Variants in NPAS3 observed in about 807,000 individuals in gnomAD.
NPAS3 encodes the protein neuronal PAS domain-containing protein 3.
A neutral mutation model predicts 73.1 loss-of-function variants in NPAS3; 14 were observed. The observed-to-expected ratio is 0.19, with a 90% confidence interval of 0.13 to 0.30. NPAS3 has a LOEUF of 0.30. NPAS3 is among the 10% of genes least tolerant of loss of function. NPAS3 has a pLI of 1.00. For synonymous variants in NPAS3, 620 were observed against 541.5 expected (o/e 1.14, Z -2.01); for missense variants, 1,096 against 1,250.0 (o/e 0.88, Z 1.86).
At chr14:33,567,399 T>C (rs1016139629) in intron 5 of NPAS3, among the ~76,000 whole-genome samples, 1 of 152,238 alleles carries the variant, frequency 6.6e-6, no homozygotes, top group Non-Finnish European at 1.5e-5. Context: ...TAATGTTGGA[T>C]GTCGAACATA....
At chr14:33,551,849 G>A (rs1227404055) in intron 4 of NPAS3, among the ~76,000 whole-genome samples, 2 of 152,092 alleles carry the variant, frequency 1.3e-5, no homozygotes, top group East Asian at 1.9e-4. Flanking sequence ...TTTCCAAATC[G>A]AGCACTCCAC....
At chr14:33,358,799 C>T (rs569245504) in intron 3 of NPAS3, among the ~76,000 whole-genome samples, 5 of 152,310 alleles carry the variant, frequency 3.3e-5, no homozygotes, top group Admixed American at 1.3e-4. Context: ...CTTCTGCCAA[C>T]GTATCTATAA....
intron 2 of NPAS3, among the ~76,000 whole-genome samples, chr14:33,137,950 G>GT (rs1220110308): frequency 1.3e-5 from 2 of 152,196 alleles, no homozygotes; most frequent in Non-Finnish European, 2.9e-5. Context: ...TATCTGGTAG[G>GT]TGTGGAGGGT....
At chr14:33,129,726 G>T (rs930723899) in intron 2 of NPAS3, among the ~76,000 whole-genome samples, 7 of 152,132 alleles carry the variant, frequency 4.6e-5, no homozygotes, top group African/African-American at 1.7e-4. Context: ...ATGTAGAAGT[G>T]AGTATGTATA....
intron 4 of NPAS3, among the ~76,000 whole-genome samples, chr14:33,392,600 T>G (rs1604190): frequency 6.6e-6 from 1 of 151,984 alleles, no homozygotes; most frequent in Non-Finnish European, 1.5e-5. Context: ...TTTTTTGAAA[T>G]TAGTGCATCA....
At chr14:32,979,996 A>G (rs1203105204) in intron 1 of NPAS3, among the ~76,000 whole-genome samples, 4 of 152,250 alleles carry the variant, frequency 2.6e-5, no homozygotes, top group African/African-American at 4.8e-5. Context: ...TGACATTATT[A>G]TGAATTCTAA....
intron 5 of NPAS3, among the ~76,000 whole-genome samples, chr14:33,618,603 G>A (rs2057992014): frequency 6.6e-6 from 1 of 152,202 alleles, no homozygotes; most frequent in Non-Finnish European, 1.5e-5. Flanking sequence ...ACTTCCTGCT[G>A]TGTGGTCCGA....
chr14:33,253,569 T>A (rs923246103), intron 3 of NPAS3, among the ~76,000 whole-genome samples: 31 of 152,086 alleles, frequency 2.0e-4, no homozygotes, highest in African/African-American at 7.0e-4. Flanking sequence ...ATTACTACCT[T>A]ATTTATTTTT....
chr14:33,519,880 AC>A (rs1368471460), intron 4 of NPAS3, among the ~76,000 whole-genome samples: 2 of 151,896 alleles, frequency 1.3e-5, no homozygotes, highest in Non-Finnish European at 2.9e-5. Flanking sequence ...CTGCACAGAT[AC>A]CTCCTTGGGA....
intron 4 of NPAS3, among the ~76,000 whole-genome samples, chr14:33,537,891 C>T (rs539842309): frequency 2.0e-4 from 30 of 152,232 alleles, no homozygotes; most frequent in Admixed American, 5.2e-4. Context: ...GAGCACTGCT[C>T]GCCTTGACGA....
At chr14:33,173,991 C>T (rs1295203859) in intron 2 of NPAS3, among the ~76,000 whole-genome samples, 1 of 152,132 alleles carries the variant, frequency 6.6e-6, no homozygotes, top group Non-Finnish European at 1.5e-5. Flanking sequence ...GACAGACTTT[C>T]CTAATATTTT....
intron 5 of NPAS3, among the ~76,000 whole-genome samples, chr14:33,673,667 C>A (rs1241504167): frequency 1.3e-5 from 2 of 152,188 alleles, no homozygotes; most frequent in Non-Finnish European, 2.9e-5. Context: ...TGTCTTCTTC[C>A]CAGCTCTCCG....
intron 1 of NPAS3, among the ~76,000 whole-genome samples, chr14:32,995,029 G>A (rs189493627): frequency 6.6e-6 from 1 of 152,260 alleles, no homozygotes; most frequent in Non-Finnish European, 1.5e-5. Flanking sequence ...AGAAACAAGT[G>A]GCTCTCGGGA....
intron 4 of NPAS3, among the ~76,000 whole-genome samples, chr14:33,546,038 T>G (rs1485947773): frequency 2.0e-5 from 3 of 152,168 alleles, no homozygotes; most frequent in Non-Finnish European, 4.4e-5. Flanking sequence ...TTCTGGGGGC[T>G]CCTGTTAAGG....
chr14:33,144,752 A>AT (rs1418830982), intron 2 of NPAS3, among the ~76,000 whole-genome samples: 1 of 152,200 alleles, frequency 6.6e-6, no homozygotes, highest in East Asian at 1.9e-4. Context: ...TTAAAAATTC[A>AT]TTTTTTAATT....
intron 6 of NPAS3, among the ~76,000 whole-genome samples, chr14:33,722,161 C>G (rs1274557471): frequency 1.3e-5 from 2 of 152,146 alleles, no homozygotes; most frequent in African/African-American, 4.8e-5. Flanking sequence ...AACATAACAT[C>G]GAAGTGTTCA....
chr14:33,751,043 A>G (rs2061948813), intron 7 of NPAS3, among the ~76,000 whole-genome samples: 3 of 152,190 alleles, frequency 2.0e-5, no homozygotes, highest in Non-Finnish European at 2.9e-5. Flanking sequence ...GTGAGCAGAA[A>G]GAAATCTGGG....
At chr14:33,552,444 A>T (rs534665150) in intron 4 of NPAS3, among the ~76,000 whole-genome samples, 1 of 152,302 alleles carries the variant, frequency 6.6e-6, no homozygotes, top group East Asian at 1.9e-4. Context: ...TAATGTGACT[A>T]ACAAATGTTT....
intron 1 of NPAS3, among the ~76,000 whole-genome samples, chr14:32,983,640 G>A (rs1398595260): frequency 1.3e-5 from 2 of 151,932 alleles, no homozygotes; most frequent in South Asian, 2.1e-4. Context: ...TTTCCCTTCC[G>A]TGTCAATAAT....
Sources: gnomAD v4.1 joint callset for allele counts (sites outside exome capture counted in the v4.1 genomes callset) on GRCh38, gnomAD v4.1.1 for gene constraint, MANE v1.5 for transcripts, NCBI Gene and HGNC (gene_info 2026-07-23, HGNC 2026-07-21) for gene names.